Variants in IGF1R observed in about 807,000 individuals in gnomAD.
IGF1R encodes the protein insulin like growth factor 1 receptor, also known as insulin-like growth factor 1 receptor.
Under a neutral mutation model 144.6 loss-of-function variants are expected in IGF1R, and 44 were observed. The observed-to-expected ratio is 0.30, with a 90% confidence interval of 0.24 to 0.39. The LOEUF (loss-of-function observed/expected upper bound fraction) is 0.39, where lower values mean the gene tolerates loss of function less well. Ranked by LOEUF, IGF1R falls within the 10% of genes least tolerant of loss-of-function variation. The pLI, the probability that IGF1R is intolerant of heterozygous loss-of-function variation, is 1.00. For missense variants in IGF1R, 1,355 were observed against 1,833.7 expected, an observed-to-expected ratio of 0.74 and a Z score of 4.77; for synonymous variants, 795 against 722.8, an observed-to-expected ratio of 1.10 and a Z score of -1.60.
intron 2 of IGF1R, among the ~76,000 whole-genome samples, chr15:98,741,108 GT>G (rs2054729269): frequency 6.6e-6 from 1 of 151,912 alleles, no homozygotes; most frequent in East Asian, 1.9e-4. Flanking sequence ...TCTAAACTTT[GT>G]CTTTTAGAAT....
chr15:98,941,754 C>T (rs2016373727), intron 18 of IGF1R, among the ~76,000 whole-genome samples: 1 of 152,178 alleles, frequency 6.6e-6, no homozygotes, highest in African/African-American at 2.4e-5. Flanking sequence ...GGTTCAAGTC[C>T]AAGGAACTTT....
At chr15:98,819,210 A>G (rs945868339) in intron 2 of IGF1R, among the ~76,000 whole-genome samples, 11 of 152,132 alleles carry the variant, frequency 7.2e-5, no homozygotes, top group African/African-American at 2.7e-4. Flanking sequence ...GCACTCATCT[A>G]CTTGTAGCTT....
intron 17 of IGF1R, among the ~76,000 whole-genome samples, chr15:98,936,838 C>T (rs978817640): frequency 6.6e-6 from 1 of 152,112 alleles, no homozygotes; most frequent in Non-Finnish European, 1.5e-5. Flanking sequence ...GGTGTTAGTG[C>T]CTCTTCCTGG....
intron 20 of IGF1R, chr15:98,954,009 AG>A (rs1376460809): frequency 6.6e-6 from 1 of 152,194 alleles, no homozygotes; most frequent in Admixed American, 6.5e-5. Flanking sequence ...GCCAGGAGGG[AG>A]AGACACATTC....
At chr15:98,823,514 A>C (rs2056839048) in intron 2 of IGF1R, among the ~76,000 whole-genome samples, 1 of 152,230 alleles carries the variant, frequency 6.6e-6, no homozygotes, top group Non-Finnish European at 1.5e-5. Context: ...CTTTTTGCAA[A>C]GCATGAAGAC....
chr15:98,904,702 C>T (rs1251948122), intron 5 of IGF1R, among the ~76,000 whole-genome samples: 3 of 152,160 alleles, frequency 2.0e-5, no homozygotes, highest in African/African-American at 2.4e-5. Context: ...ATTTTCTCCT[C>T]GAAGGAAGGA....
At position 98,961,869 on chromosome 15, in the gene IGF1R, TC is replaced by T. The variant is rs1425261486; in HGVS notation, c.*4428del. The T allele has an allele frequency of 8.6e-6, 2 of 233,194 alleles. No homozygotes were observed. The highest frequency in any genetic ancestry group is 2.2e-5 in the African/African-American group (1 of 45,340). 14.4% of individuals were successfully genotyped at this position (233,194 alleles called of 1,614,324 possible). A position where few individuals can be genotyped will look rare whatever the true frequency, so the allele number is the denominator to read the frequency against. ...CCGACCTGGCCTCTCCTGGCCTGTT[TC>T]TTAAGATGCGGAGTCACATTTCAAT... On this transcript the variant is annotated 3_prime_UTR_variant, in exon 21 of 21. Coordinates refer to ENST00000650285, the MANE Select transcript of IGF1R (RefSeq NM_000875.5).
chr15:98,936,534 C>A (rs144781100), intron 17 of IGF1R, among the ~76,000 whole-genome samples: 6 of 151,982 alleles, frequency 3.9e-5, no homozygotes, highest in African/African-American at 1.4e-4. Context: ...AGCAGTGTGT[C>A]TGCTTTTATT....
At chr15:98,825,610 T>G (rs2056879665) in intron 2 of IGF1R, among the ~76,000 whole-genome samples, 1 of 152,118 alleles carries the variant, frequency 6.6e-6, no homozygotes. Context: ...GTGGAACAGT[T>G]TCATCCCAAA....
At chr15:98,702,286 C>T (rs374450512) in intron 1 of IGF1R, among the ~76,000 whole-genome samples, 1 of 151,978 alleles carries the variant, frequency 6.6e-6, no homozygotes, top group Non-Finnish European at 1.5e-5. Context: ...TAGAAAATAC[C>T]TAAGAGTATT....
intron 17 of IGF1R, among the ~76,000 whole-genome samples, chr15:98,936,380 T>C (rs535376123): frequency 3.3e-5 from 5 of 152,290 alleles, no homozygotes; most frequent in Admixed American, 6.5e-5. Context: ...TTTTAACATA[T>C]GCGGGCATGA....
At chr15:98,805,565 C>A (rs2056453735) in intron 2 of IGF1R, among the ~76,000 whole-genome samples, 1 of 152,140 alleles carries the variant, frequency 6.6e-6, no homozygotes, top group African/African-American at 2.4e-5. Context: ...TCCCCTCCAG[C>A]CCTTCTGAAA....
intron 3 of IGF1R, among the ~76,000 whole-genome samples, chr15:98,892,584 A>G (rs552641669): frequency 1.3e-5 from 2 of 151,910 alleles, no homozygotes; most frequent in South Asian, 4.2e-4. Flanking sequence ...GCCCTTTTGT[A>G]CATGTCAACT....
chr15:98,719,350 AC>A (rs2054193947), intron 2 of IGF1R, among the ~76,000 whole-genome samples: 5 of 150,912 alleles, frequency 3.3e-5, no homozygotes, highest in Admixed American at 3.3e-4. Flanking sequence ...CCCCTGCCTT[AC>A]CCCTGGCCAT....
chr15:98,825,445 G>A lies in IGF1R; in HGVS notation c.641-65880G>A, dbSNP rs1181137162. ...CGGTCCATGGCCTGTTAGGAACCAG[G>A]CTGCACAGCAGGAGGTGAGTGGCAG... is the stretch of plus-strand genomic sequence containing the variant. On this transcript the variant is annotated intron_variant, in intron 2 of 20. Coordinates refer to ENST00000650285, the MANE Select transcript of IGF1R (RefSeq NM_000875.5). 2.6e-5 allele frequency among the ~76,000 whole-genome samples: 4 copies of A among 152,198 alleles called. No homozygotes were observed. The East Asian group carries it at 7.7e-4, about 29-fold the overall frequency.
chr15:98,962,259 C>G lies in IGF1R; in HGVS notation c.*4817C>G, dbSNP rs138911018. On this transcript the variant is annotated 3_prime_UTR_variant, in exon 21 of 21. Transcript: ENST00000650285. The stretch of plus-strand genomic sequence containing the variant: ...CGCCCTCCTGGTGACAGTGACCCGC[C>G]GTGGTATGCCTTGGCCCATTCCAGC... 4.3e-6 allele frequency: 1 copy of G among 233,266 alleles called. No homozygotes were observed. 14.4% of individuals were successfully genotyped at this position (233,266 alleles called of 1,614,324 possible).
chr15:98,794,732 A>G (rs1005548898), intron 2 of IGF1R, among the ~76,000 whole-genome samples: 1 of 152,220 alleles, frequency 6.6e-6, no homozygotes, highest in East Asian at 1.9e-4. Context: ...AAAATGGAAT[A>G]ATTTCAGAGC....
intron 1 of IGF1R, among the ~76,000 whole-genome samples, chr15:98,698,617 G>A (rs1445405437): frequency 6.6e-6 from 1 of 152,212 alleles, no homozygotes; most frequent in African/African-American, 2.4e-5. Flanking sequence ...TTGCATGTGA[G>A]AGGATTTCCT....
intron 1 of IGF1R, among the ~76,000 whole-genome samples, chr15:98,657,024 TA>T (rs1223960374): frequency 6.6e-6 from 1 of 152,254 alleles, no homozygotes; most frequent in Non-Finnish European, 1.5e-5. Flanking sequence ...TTATAGAGCA[TA>T]ACTTGAAATT....
Sources: allele counts gnomAD v4.1 joint callset (sites outside exome capture counted in the v4.1 genomes callset), GRCh38; gene constraint gnomAD v4.1.1; transcripts MANE v1.5; gene names NCBI Gene and HGNC (gene_info 2026-07-23, HGNC 2026-07-21).